Variants in PIP5K1B observed in about 807,000 individuals in gnomAD.
PIP5K1B encodes phosphatidylinositol-4-phosphate 5-kinase type 1 beta.
A neutral mutation model predicts 67.0 loss-of-function variants in PIP5K1B; 42 were observed. The observed-to-expected ratio is 0.63, with a 90% CI of 0.49 to 0.81. PIP5K1B has a LOEUF of 0.81. Among genes scored for constraint, PIP5K1B ranks in the 30% least tolerant of loss-of-function variants. The pLI is 0.00. For synonymous variants in PIP5K1B, 214 were observed against 231.4 expected (o/e 0.92, Z 0.68); for missense variants, 459 against 646.3 (o/e 0.71, Z 3.14).
intron 6 of PIP5K1B, among the ~76,000 whole-genome samples, chr9:68,884,887 G>A (rs1824389755): frequency 6.6e-6 from 1 of 152,144 alleles, no homozygotes; most frequent in Non-Finnish European, 1.5e-5. Context: ...AACCATTTTG[G>A]AAAACAGTAG....
intron 4 of PIP5K1B, among the ~76,000 whole-genome samples, chr9:68,845,991 A>G (rs1250193384): frequency 6.6e-6 from 1 of 152,242 alleles, no homozygotes; most frequent in African/African-American, 2.4e-5. Flanking sequence ...TTTCATATGT[A>G]CAATCCATCT....
chr9:68,772,669 C>G (rs918494385), intron 2 of PIP5K1B, among the ~76,000 whole-genome samples: 2 of 152,164 alleles, frequency 1.3e-5, no homozygotes, highest in African/African-American at 2.4e-5. Flanking sequence ...AATTATTCTA[C>G]TCAGAAACTA....
intron 14 of PIP5K1B, among the ~76,000 whole-genome samples, chr9:68,964,316 T>C (rs953396195): frequency 6.6e-6 from 1 of 152,240 alleles, no homozygotes; most frequent in Non-Finnish European, 1.5e-5. Flanking sequence ...ATGATTATGA[T>C]GCCATTAAGA....
chr9:68,936,048 T>C (rs1287208766), intron 13 of PIP5K1B: 5 of 152,238 alleles, frequency 3.3e-5, no homozygotes, highest in African/African-American at 1.2e-4. Context: ...TTTTGTTAGA[T>C]TTATTTCTTG....
intron 13 of PIP5K1B, among the ~76,000 whole-genome samples, chr9:68,940,061 C>T (rs1166445387): frequency 1.3e-5 from 2 of 152,106 alleles, no homozygotes; most frequent in African/African-American, 4.8e-5. Context: ...TAAGTGTTTT[C>T]TCATTTTTAA....
chr9:68,916,552 A>G (rs1414949861), intron 8 of PIP5K1B, among the ~76,000 whole-genome samples: 1 of 152,180 alleles, frequency 6.6e-6, no homozygotes, highest in East Asian at 1.9e-4. Context: ...AGGACTTGCT[A>G]CAGGGAACTG....
At chr9:68,986,264 G>A (rs1214580368) in intron 14 of PIP5K1B, among the ~76,000 whole-genome samples, 1 of 152,158 alleles carries the variant, frequency 6.6e-6, no homozygotes, top group Non-Finnish European at 1.5e-5. Flanking sequence ...TAATTTTTCT[G>A]ATTTTCTATG....
At chr9:68,950,717 T>C (rs1363129297) in intron 14 of PIP5K1B, among the ~76,000 whole-genome samples, 1 of 152,246 alleles carries the variant, frequency 6.6e-6, no homozygotes, top group African/African-American at 2.4e-5. Context: ...TTTGTTTCTC[T>C]GATATGCTTC....
intron 2 of PIP5K1B, among the ~76,000 whole-genome samples, chr9:68,799,594 T>C (rs941666603): frequency 1.3e-5 from 2 of 152,146 alleles, no homozygotes; most frequent in Non-Finnish European, 2.9e-5. Context: ...CCCATACATA[T>C]ACAATCAATT....
chr9:68,736,950 T>C (rs1828769504), intron 1 of PIP5K1B, among the ~76,000 whole-genome samples: 1 of 152,208 alleles, frequency 6.6e-6, no homozygotes, highest in Non-Finnish European at 1.5e-5. Flanking sequence ...ACCATTCCCA[T>C]TGTTGAATAC....
At chr9:68,733,284 TGCCTGTTCCACCAAA>T (rs1025717616) in intron 1 of PIP5K1B, among the ~76,000 whole-genome samples, 2 of 152,216 alleles carry the variant, frequency 1.3e-5, no homozygotes, top group East Asian at 3.8e-4. Context: ...GTTAATCTCT[TGCCTGTTCCACCAAA>T]GCGTGTGAGC....
chr9:68,885,429 A>C (rs1330995106), intron 6 of PIP5K1B, among the ~76,000 whole-genome samples: 2 of 152,236 alleles, frequency 1.3e-5, no homozygotes, highest in African/African-American at 4.8e-5. Context: ...ATATCTTTCT[A>C]AATTAATTTA....
intron 4 of PIP5K1B, among the ~76,000 whole-genome samples, chr9:68,848,728 A>C (rs1822324268): frequency 6.6e-6 from 1 of 152,224 alleles, no homozygotes; most frequent in South Asian, 2.1e-4. Context: ...AAGAGAAGGC[A>C]TGGAAATTTT....
chr9:69,008,571 A>C lies in PIP5K1B; in HGVS notation c.*122A>C. 1.1e-6 allele frequency: 1 copy of C among 947,450 alleles called. No homozygotes were observed. The highest frequency in any genetic ancestry group is 1.7e-6 in the Non-Finnish European group (1 of 578,594). The allele number at this position is 947,450 out of a possible 1,614,324, so 58.7% of individuals were successfully genotyped here. On this transcript the variant is annotated 3_prime_UTR_variant, in exon 16 of 16. Transcript: ENST00000265382. ...GAGCCCCACTACACACAGAGAAATC[A>C]TCAACCTGACTTAAGAGTTTTCAAG...
rs1414952 is a variant in PIP5K1B at position 68,895,210 on chromosome 9, C to T, written c.771+572C>T. Among the ~76,000 whole-genome samples the T allele has an allele frequency of 2.8e-5, 4 of 143,954 alleles. No homozygotes were observed. The East Asian group carries it at 8.3e-4, about 30-fold the overall frequency. The allele number at this position is 143,954 out of a possible 152,430, so 94.4% of individuals were successfully genotyped here. On this transcript the variant is annotated intron_variant, in intron 8 of 15. Coordinates refer to ENST00000265382, the MANE Select transcript of PIP5K1B (RefSeq NM_003558.4). ...TAGGGCAGACACCATTCCATGCAAA[C>T]TTAGCTGGAGTGATTGTCCAAAGTG...
At chr9:68,734,466 G>C (rs1478139241) in intron 1 of PIP5K1B, among the ~76,000 whole-genome samples, 2 of 152,198 alleles carry the variant, frequency 1.3e-5, no homozygotes, top group African/African-American at 4.8e-5. Flanking sequence ...AAGGCTCAAA[G>C]CTACGTCCAA....
chr9:68,734,691 A>T (rs944866175), intron 1 of PIP5K1B, among the ~76,000 whole-genome samples: 1 of 152,242 alleles, frequency 6.6e-6, no homozygotes, highest in South Asian at 2.1e-4. Flanking sequence ...CCTCCAGTCT[A>T]TACAAAAGGG....
intron 8 of PIP5K1B, among the ~76,000 whole-genome samples, chr9:68,902,183 A>G (rs1042135278): frequency 1.3e-5 from 2 of 152,192 alleles, no homozygotes; most frequent in African/African-American, 4.8e-5. Context: ...ACATAGATTT[A>G]TATAACCACC....
intron 4 of PIP5K1B, among the ~76,000 whole-genome samples, chr9:68,831,682 A>C (rs1194573907): frequency 6.6e-6 from 1 of 151,938 alleles, no homozygotes; most frequent in Non-Finnish European, 1.5e-5. Flanking sequence ...ATAGAATTTA[A>C]CTTTTTTTTT....
Sources: gnomAD v4.1 joint callset for allele counts (sites outside exome capture counted in the v4.1 genomes callset) on GRCh38, gnomAD v4.1.1 for gene constraint, MANE v1.5 for transcripts, NCBI Gene and HGNC (gene_info 2026-07-23, HGNC 2026-07-21) for gene names.